The following ABCA4 variants were observed in gnomAD, a reference collection of about 807,000 sequenced individuals.
ABCA4 encodes retinal-specific phospholipid-transporting ATPase ABCA4.
ABCA4 carries 196 observed loss-of-function variants against 263.7 expected under a neutral mutation model. That is an observed-to-expected ratio of 0.74 (90% CI 0.66 to 0.84). ABCA4 has a LOEUF of 0.84. Ranked by LOEUF, ABCA4 falls within the 40% of genes least tolerant of loss-of-function variation. The probability of loss-of-function intolerance (pLI) is 0.00; values close to 1 mark genes in which losing one functional copy is unlikely to be tolerated. For synonymous variants in ABCA4, 1,133 were observed against 1,094.2 expected, an observed-to-expected ratio of 1.04 and a Z score of -0.70; for missense variants, 2,792 against 2,855.1, an observed-to-expected ratio of 0.98 and a Z score of 0.50.
chr1:94,091,355 C>T (rs1279451049), intron 6 of ABCA4, among the ~76,000 whole-genome samples: 1 of 152,072 alleles, frequency 6.6e-6, no homozygotes, highest in Non-Finnish European at 1.5e-5. Context: ...AGGGAGCCCT[C>T]CATATGTACC....
intron 3 of ABCA4, 58 bp from the exon 4 acceptor site, chr1:94,108,774 A>G: frequency 6.3e-7 from 1 of 1,597,278 alleles, no homozygotes. Flanking sequence ...AACAGTAATA[A>G]TATCTCATGC....
intron 20 of ABCA4, 79 bp from the exon 21 acceptor site, chr1:94,043,554 G>T: frequency 1.3e-6 from 2 of 1,575,422 alleles, no homozygotes; most frequent in South Asian, 1.1e-5. Context: ...AATAATTGAG[G>T]ACAAGTATTC....
rs1456451721 is a variant in ABCA4 at position 94,001,088 on chromosome 1, C to G, written c.6300G>C (p.Gly2100=). 1 of 1,613,998 alleles carries G rather than the reference C, an allele frequency of 6.2e-7. No individual in the cohort carries two copies. The highest frequency in any genetic ancestry group is 1.7e-5 in the Admixed American group (1 of 60,026). Reference sequence around the variant, plus strand: ...GCATGCGGCGTGCCTGGGGGTCCATCCCTGTGGTGGGCTCATCCTGGGGGG... The same window carrying G: ...GCATGCGGCGTGCCTGGGGGTCCATGCCTGTGGTGGGCTCATCCTGGGGGG... ...PLVLLDEPTT[G]MDPQARRMLW... Residue 2100 remains glycine, a synonymous_variant, in exon 46 of 50, where the codon GGG becomes GGC. Coordinates refer to ENST00000370225, the MANE Select transcript of ABCA4 (RefSeq NM_000350.3).
Position 94,026,090 on chromosome 1 carries a change from G to A in ABCA4, c.4540-1042C>T, listed in dbSNP as rs187362094. 1.4e-4 allele frequency among the ~76,000 whole-genome samples: 21 copies of A among 152,326 alleles called. No homozygotes were observed. In the East Asian group the frequency reaches 3.5e-3, roughly 25 times the overall value. On this transcript the variant is annotated intron_variant, in intron 30 of 49. Transcript: ENST00000370225. ...TACTGCAAATCTGGGAACACATTCC[G>A]CTTACATTCTCATAAAAGCATTCAC...
At chr1:94,041,103 A>AT in intron 23 of ABCA4, 106 bp downstream of exon 23, 1 of 1,158,416 alleles carries the variant, frequency 8.6e-7, no homozygotes, top group Non-Finnish European at 1.3e-6. Flanking sequence ...AAAGACACTG[A>AT]TTCTGGTGGC....
At chr1:94,067,879 G>A (rs1352444941) in intron 11 of ABCA4, among the ~76,000 whole-genome samples, 1 of 152,162 alleles carries the variant, frequency 6.6e-6, no homozygotes, top group African/African-American at 2.4e-5. Context: ...ACCTCCTCTG[G>A]AAAGAGCCTG....
At chr1:94,043,899 A>G (rs764850375) in intron 20 of ABCA4, among the ~76,000 whole-genome samples, 2 of 152,194 alleles carry the variant, frequency 1.3e-5, no homozygotes, top group Non-Finnish European at 2.9e-5. Flanking sequence ...TTATATACCA[A>G]TGTTATAACT....
intron 6 of ABCA4, 79 bp from the exon 7 acceptor site, chr1:94,083,520 C>T: frequency 1.8e-6 from 2 of 1,115,870 alleles, no homozygotes; most frequent in Non-Finnish European, 2.7e-6. Context: ...GTCTGATCTC[C>T]TATATGTTTG....
rs2101059675 is a variant in ABCA4 at position 94,048,851 on chromosome 1, C to T, written c.2743+17G>A. On this transcript the variant is annotated intron_variant, in intron 18 of 49. Transcript: ENST00000370225. ...CTTTTCCTCGCCTCTGCTGTGTATT[C>T]TTTATCGGGGTTTTACCGTGTATTC... 1 of 1,613,386 alleles carries T rather than the reference C, an allele frequency of 6.2e-7. No individual in the cohort carries two copies. The highest frequency in any genetic ancestry group is 1.7e-4 in the Middle Eastern group (1 of 6,060).
intron 45 of ABCA4, chr1:94,001,395 T>G: frequency 1.9e-6 from 1 of 533,588 alleles, no homozygotes; most frequent in Non-Finnish European, 3.4e-6. Flanking sequence ...ATCCTGCAAA[T>G]ACATTTGTCA....
intron 12 of ABCA4, 74 bp from the exon 13 acceptor site, chr1:94,062,827 A>C: frequency 6.8e-7 from 1 of 1,470,448 alleles, no homozygotes; most frequent in South Asian, 1.2e-5. Flanking sequence ...CCACAGGGTG[A>C]CTCGGAACTC....
rs770686826 is a variant in ABCA4 at position 94,041,264 on chromosome 1, T to A, written c.3467A>T (p.Tyr1156Phe). The change falls in exon 23 of 50, where the codon TAC (tyrosine) becomes TTC (phenylalanine). Residue 1156 changes from tyrosine to phenylalanine, a missense_variant. By Grantham distance (22) the Tyr-to-Phe change is conservative. Coordinates refer to ENST00000370225, the MANE Select transcript of ABCA4 (RefSeq NM_000350.3). ...TTTCATCTTGCGCACCAAGGTTAAG[T>A]ACAAGCCTGTGCCAAAGCAGTTCTT... ...FLKNCFGTGLYLTLVRKMKNI... is the reference protein window; with the variant it reads ...FLKNCFGTGLFLTLVRKMKNI... 1 of 1,614,174 alleles carries A rather than the reference T, an allele frequency of 6.2e-7. No individual in the cohort carries two copies. The highest frequency in any genetic ancestry group is 8.5e-7 in the Non-Finnish European group (1 of 1,180,036).
At chr1:94,080,789 C>T in intron 7 of ABCA4, 71 bp from the exon 8 acceptor site, 1 of 1,600,626 alleles carries the variant, frequency 6.2e-7, no homozygotes, top group Non-Finnish European at 8.6e-7. Flanking sequence ...GGCCAATGCT[C>T]CAACGTTTGG....
chr1:94,016,983 G>A (rs778991792), intron 36 of ABCA4, among the ~76,000 whole-genome samples: 1 of 152,098 alleles, frequency 6.6e-6, no homozygotes, highest in African/African-American at 2.4e-5. Flanking sequence ...AAGTCAAGAC[G>A]ATACAGAAGC....
intron 16 of ABCA4, among the ~76,000 whole-genome samples, chr1:94,053,653 T>A (rs1660898437): frequency 6.6e-6 from 1 of 152,186 alleles, no homozygotes; most frequent in Non-Finnish European, 1.5e-5. Flanking sequence ...CATCTACAAG[T>A]CAAGGAGTGC....
intron 5 of ABCA4, among the ~76,000 whole-genome samples, chr1:94,101,832 C>T (rs1465371429): frequency 6.6e-6 from 1 of 152,220 alleles, no homozygotes; most frequent in Admixed American, 6.5e-5. Context: ...ACACCTGAGC[C>T]TGCGGAATCA....
chr1:94,099,921 G>A (rs1052639518), intron 5 of ABCA4, among the ~76,000 whole-genome samples: 1 of 152,132 alleles, frequency 6.6e-6, no homozygotes, highest in African/African-American at 2.4e-5. Context: ...AGGTGGCAGG[G>A]GAGAGGCCTG....
intron 6 of ABCA4, among the ~76,000 whole-genome samples, chr1:94,093,023 G>T (rs1457508992): frequency 6.6e-6 from 1 of 152,294 alleles, no homozygotes. Context: ...CAAGTTAGGA[G>T]CCAACATAGA....
At chr1:94,097,172 T>C (rs557540579) in intron 6 of ABCA4, among the ~76,000 whole-genome samples, 1 of 152,202 alleles carries the variant, frequency 6.6e-6, no homozygotes, top group Non-Finnish European at 1.5e-5. Flanking sequence ...CAAGAGACCT[T>C]TTCTGGGGTC....
Sources: allele counts gnomAD v4.1 joint callset (sites outside exome capture counted in the v4.1 genomes callset), GRCh38; gene constraint gnomAD v4.1.1; transcripts MANE v1.5; gene names NCBI Gene and HGNC (gene_info 2026-07-23, HGNC 2026-07-21).